The following AGAP1 variants were observed in gnomAD, a reference collection of about 807,000 sequenced individuals.
AGAP1 encodes the protein ArfGAP with GTPase domain, ankyrin repeat and PH domain 1, also known as arf-GAP with GTPase, ANK repeat and PH domain-containing protein 1.
AGAP1 carries 29 observed loss-of-function variants against 105.3 expected under a neutral mutation model. The observed-to-expected ratio is 0.28, with a 90% CI of 0.21 to 0.38. The LOEUF is 0.38. Ranked by LOEUF, AGAP1 falls within the 10% of genes least tolerant of loss-of-function variation. The pLI, the probability that AGAP1 is intolerant of heterozygous loss-of-function variation, is 1.00. For missense variants in AGAP1, 998 were observed against 1,165.1 expected (o/e 0.86, Z 2.09); for synonymous variants, 509 against 485.9 (o/e 1.05, Z -0.63).
At chr2:235,708,717 T>C (rs1327343782) in intron 1 of AGAP1, among the ~76,000 whole-genome samples, 1 of 152,194 alleles carries the variant, frequency 6.6e-6, no homozygotes, top group East Asian at 1.9e-4. Flanking sequence ...TTTTGCTGTG[T>C]GTGTGGGATT....
At chr2:235,969,417 G>C (rs1297462539) in intron 13 of AGAP1, among the ~76,000 whole-genome samples, 1 of 152,184 alleles carries the variant, frequency 6.6e-6, no homozygotes, top group East Asian at 1.9e-4. Context: ...CTTGTTGTTA[G>C]AACATGAATT....
intron 6 of AGAP1, among the ~76,000 whole-genome samples, chr2:235,767,970 A>G (rs1277150954): frequency 2.6e-5 from 4 of 151,866 alleles, no homozygotes; most frequent in Non-Finnish European, 4.4e-5. Context: ...TATTTTTAGT[A>G]GAGACAGGGT....
Position 235,787,544 on chromosome 2 carries a change from G to T in AGAP1, c.674-10215G>T, listed in dbSNP as rs1956725850. On this transcript the variant is annotated intron_variant, in intron 6 of 17. Coordinates refer to ENST00000304032, the MANE Select transcript of AGAP1 (RefSeq NM_001037131.3). This position sits in a 1 kb window ranked among gnomAD's most constrained non-coding sequence, Gnocchi z 4.4. ...GTGGATGTGATGTTGTGGTTGGTTGGTTGACATTTTCTAGATGATGCAGCT... is the reference window on the plus strand; with the variant it reads ...GTGGATGTGATGTTGTGGTTGGTTGTTTGACATTTTCTAGATGATGCAGCT... 6.6e-6 allele frequency among the ~76,000 whole-genome samples: 1 copy of T among 152,130 alleles called. No individual in the cohort carries two copies. Among genetic ancestry groups the T allele is most frequent in the Non-Finnish European group, 1.5e-5 (1 of 68,026 alleles).
At chr2:236,084,406 T>G (rs2058869982) in intron 16 of AGAP1, among the ~76,000 whole-genome samples, 2 of 152,174 alleles carry the variant, frequency 1.3e-5, no homozygotes, top group Admixed American at 1.3e-4. Flanking sequence ...TACTCTACTT[T>G]TGGAAGTGTG....
In AGAP1 at chr2:235,892,650, T is replaced by C. The variant is rs138432017; in HGVS notation, c.1155+9201T>C. Reference sequence around the variant, plus strand: ...TGTGCTCAGTGCCTGTAACTGCCTTTGTAAATACACGAATTCCTCACATAG... The same window carrying C: ...TGTGCTCAGTGCCTGTAACTGCCTTCGTAAATACACGAATTCCTCACATAG... On this transcript the variant is annotated intron_variant, in intron 10 of 17. Coordinates refer to ENST00000304032, the MANE Select transcript of AGAP1 (RefSeq NM_001037131.3). Among the ~76,000 whole-genome samples the C allele has an allele frequency of 6.3e-3, 954 of 152,274 alleles. 8 individuals carry two copies. Among genetic ancestry groups the C allele is most frequent in the Non-Finnish European group, 8.5e-3 (579 of 68,028 alleles).
At chr2:235,966,696 C>T (rs920455653) in intron 12 of AGAP1, among the ~76,000 whole-genome samples, 3 of 152,104 alleles carry the variant, frequency 2.0e-5, no homozygotes, top group Non-Finnish European at 4.4e-5. Context: ...CCAGTGCTGC[C>T]TGGGCTGCCC....
intron 1 of AGAP1, among the ~76,000 whole-genome samples, chr2:235,512,721 A>G (rs1385480045): frequency 6.6e-6 from 1 of 152,146 alleles, no homozygotes; most frequent in African/African-American, 2.4e-5. Flanking sequence ...GAGGTAGGTG[A>G]TAAGCTCCCT....
chr2:235,579,212 A>C (rs1944843027), intron 1 of AGAP1, among the ~76,000 whole-genome samples: 1 of 152,182 alleles, frequency 6.6e-6, no homozygotes, highest in African/African-American at 2.4e-5. Flanking sequence ...AATGAAAGGC[A>C]GTTCTATTTA....
rs112940647 is a variant in AGAP1, at chr2:235,845,714, A to G, written c.1051-37631A>G. Among the ~76,000 whole-genome samples the G allele has an allele frequency of 1.2e-3, 176 of 152,022 alleles. No homozygotes were observed. Among genetic ancestry groups the G allele is most frequent in the African/African-American group, 4.1e-3 (169 of 41,472 alleles). Reference sequence around the variant, plus strand: ...GTCACCCAAGTCACCAGCCGGGACTATTCCTGATGTCATCTATTAACCTTC... The same window carrying G: ...GTCACCCAAGTCACCAGCCGGGACTGTTCCTGATGTCATCTATTAACCTTC... On this transcript the variant is annotated intron_variant, in intron 9 of 17. Transcript: ENST00000304032. This position sits in a 1 kb window ranked among gnomAD's most constrained non-coding sequence, Gnocchi z 4.8.
chr2:235,519,370 G>A (rs1174795942), intron 1 of AGAP1, among the ~76,000 whole-genome samples: 2 of 152,044 alleles, frequency 1.3e-5, no homozygotes, highest in Non-Finnish European at 2.9e-5. Flanking sequence ...ACCGCACATG[G>A]CCCTAGTTTA....
intron 9 of AGAP1, among the ~76,000 whole-genome samples, chr2:235,863,968 G>A (rs2049041417): frequency 6.6e-6 from 1 of 152,222 alleles, no homozygotes; most frequent in African/African-American, 2.4e-5. Context: ...GTGTGTTGGA[G>A]AGAAAGGACA....
In AGAP1 at chr2:236,040,721, C is replaced by T. The variant is rs909323807; in HGVS notation, c.1801-30C>T. ...GTGCGTTTCTCCCGGGGTGCTTACGCCTTGTATTTGTGTCTTCCTCCGTGC... is the reference window on the plus strand; with the variant it reads ...GTGCGTTTCTCCCGGGGTGCTTACGTCTTGTATTTGTGTCTTCCTCCGTGC... On this transcript the variant is annotated intron_variant, in intron 14 of 17. Coordinates refer to ENST00000304032, the MANE Select transcript of AGAP1 (RefSeq NM_001037131.3). This position sits in a 1 kb window ranked among gnomAD's most constrained non-coding sequence, Gnocchi z 5.6. 12 of 1,610,998 alleles carry T rather than the reference C, an allele frequency of 7.4e-6. No homozygotes were observed. The African/African-American group carries it at 1.2e-4, about 16-fold the overall frequency.
At position 236,123,607 on chromosome 2, in the gene AGAP1, A is replaced by G. The variant is rs554887716; in HGVS notation, c.2371-312A>G. Among the ~76,000 whole-genome samples, 52 of 152,276 alleles carry G rather than the reference A, an allele frequency of 3.4e-4. No individual in the cohort carries two copies. In the South Asian group the frequency reaches 4.1e-3, roughly 12 times the overall value. ...TAATGAAAATTCTGAGATCAAAACAATGATTTTCTTTGTGCAATTGGAAAG... is the reference window on the plus strand; with the variant it reads ...TAATGAAAATTCTGAGATCAAAACAGTGATTTTCTTTGTGCAATTGGAAAG... On this transcript the variant is annotated intron_variant, in intron 17 of 17. Transcript: ENST00000304032. The surrounding 1 kb of genome is among the most constrained non-coding windows in gnomAD (Gnocchi z 4.6).
intron 1 of AGAP1, among the ~76,000 whole-genome samples, chr2:235,531,096 C>G (rs1943028200): frequency 6.6e-6 from 1 of 152,222 alleles, no homozygotes; most frequent in African/African-American, 2.4e-5. Context: ...CACAGATCTG[C>G]TAATGCACGT....
At chr2:235,768,873 TTCA>T (rs1162593774) in intron 6 of AGAP1, among the ~76,000 whole-genome samples, 1 of 152,202 alleles carries the variant, frequency 6.6e-6, no homozygotes, top group Admixed American at 6.5e-5. Flanking sequence ...CTCTCTCTGA[TTCA>T]TCGAGTTCCC....
At chr2:235,576,942 A>G (rs1944752995) in intron 1 of AGAP1, among the ~76,000 whole-genome samples, 1 of 152,198 alleles carries the variant, frequency 6.6e-6, no homozygotes, top group Non-Finnish European at 1.5e-5. Flanking sequence ...CTGGCAGTTC[A>G]GCCTCTCTCT....
rs1398086510 is a variant in AGAP1 at position 235,705,110 on chromosome 2, C to T, written c.164-4069C>T. Among the ~76,000 whole-genome samples the T allele has an allele frequency of 1.3e-5, 2 of 151,620 alleles. No homozygotes were observed. The highest frequency in any genetic ancestry group is 3.9e-4 in the East Asian group (2 of 5,096). On this transcript the variant is annotated intron_variant, in intron 1 of 17. Transcript: ENST00000304032. The surrounding 1 kb of genome is among the most constrained non-coding windows in gnomAD (Gnocchi z 4.9). ...TCTCCTGCCTCAGCCTCCCGAGCAG[C>T]TGGGATTACAATCATGTGCCACCAC...
In AGAP1 at chr2:235,701,084, A is replaced by T. The variant is rs997502708; in HGVS notation, c.164-8095A>T. Among the ~76,000 whole-genome samples, 1 of 136,538 alleles carries T rather than the reference A, an allele frequency of 7.3e-6. No individual in the cohort carries two copies. Among genetic ancestry groups the T allele is most frequent in the Non-Finnish European group, 1.5e-5 (1 of 66,924 alleles). The allele number at this position is 136,538 out of a possible 152,430, so 89.6% of individuals were successfully genotyped here. On this transcript the variant is annotated intron_variant, in intron 1 of 17. Coordinates refer to ENST00000304032, the MANE Select transcript of AGAP1 (RefSeq NM_001037131.3). The surrounding 1 kb of genome is among the most constrained non-coding windows in gnomAD (Gnocchi z 4.1). ...TATGCTATAATATAGTTATATGTAT[A>T]TATTATATACTCTATAATATAGTTA... is the stretch of plus-strand genomic sequence containing the variant.
intron 1 of AGAP1, among the ~76,000 whole-genome samples, chr2:235,606,941 T>C: frequency 9.3e-6 from 1 of 107,560 alleles, no homozygotes. Context: ...CAAGACTGCC[T>C]CTTGAAAAAA....
Sources: gnomAD v4.1 joint callset for allele counts (sites outside exome capture counted in the v4.1 genomes callset) on GRCh38, gnomAD v4.1.1 for gene constraint, Gnocchi (gnomAD v3.1) non-coding constraint, MANE v1.5 for transcripts, NCBI Gene and HGNC (gene_info 2026-07-23, HGNC 2026-07-21) for gene names.